The following NUP35 variants were observed in gnomAD, a reference collection of about 807,000 sequenced individuals.
The protein encoded by NUP35 is nucleoporin NUP35.
NUP35 carries 25 observed loss-of-function variants against 41.5 expected under a neutral mutation model. The ratio of observed to expected loss-of-function variants is 0.60; its 90% CI spans 0.44 to 0.84. The LOEUF (loss-of-function observed/expected upper bound fraction) is 0.84. NUP35 is among the 40% of genes least tolerant of loss of function. The pLI, the probability that NUP35 is intolerant of heterozygous loss-of-function variation, is 0.00. For missense variants in NUP35, 396 were observed against 396.6 expected, an observed-to-expected ratio of 1.00 and a Z score of 0.01; for synonymous variants, 149 against 130.7, an observed-to-expected ratio of 1.14 and a Z score of -0.96.
At chr2:183,133,689 GA>G in intron 4 of NUP35, 66 bp downstream of exon 4, 2 of 1,124,054 alleles carry the variant, frequency 1.8e-6, no homozygotes, top group Non-Finnish European at 2.5e-6. Context: ...ACCCACGCTG[GA>G]GTGCAGTGGT....
intron 4 of NUP35, among the ~76,000 whole-genome samples, chr2:183,149,012 T>C (rs1215150280): frequency 6.6e-6 from 1 of 152,226 alleles, no homozygotes; most frequent in Non-Finnish European, 1.5e-5. Flanking sequence ...AGAACATACT[T>C]GGAGAAATCC....
Position 183,128,364 on chromosome 2 carries a change from A to G in NUP35, c.118A>G (p.Met40Val), listed in dbSNP as rs1684572935. The change falls in exon 2 of 9, where the codon ATG (methionine) becomes GTG (valine). Residue 40 changes from methionine to valine, a missense_variant. Coordinates refer to ENST00000295119, the MANE Select transcript of NUP35 (RefSeq NM_138285.5). ...VNAQFLPGFL[M>V]GDLPAPVTPQ... ...TGCCCAGTTCTTACCTGGATTTTTAATGGGGGATTTGCCAGCTCCGGTGAC... is the reference window on the plus strand; with the variant it reads ...TGCCCAGTTCTTACCTGGATTTTTAGTGGGGGATTTGCCAGCTCCGGTGAC... 2.5e-6 allele frequency: 4 copies of G among 1,614,076 alleles called. No homozygotes were observed. Among genetic ancestry groups the G allele is most frequent in the African/African-American group, 1.3e-5 (1 of 75,032 alleles).
chr2:183,134,115 A>G (rs994756630), intron 4 of NUP35, among the ~76,000 whole-genome samples: 4 of 152,232 alleles, frequency 2.6e-5, no homozygotes, highest in Non-Finnish European at 5.9e-5. Flanking sequence ...CACTGATTAT[A>G]TACCTAGTTT....
At chr2:183,124,628 C>T in intron 1 of NUP35, 131 bp downstream of exon 1, 5 of 1,184,684 alleles carry the variant, frequency 4.2e-6, no homozygotes, top group South Asian at 3.9e-5. Flanking sequence ...TCCTTGGGTG[C>T]CCCCAAGTTC....
At chr2:183,139,612 G>A (rs1221891641) in intron 4 of NUP35, among the ~76,000 whole-genome samples, 1 of 152,164 alleles carries the variant, frequency 6.6e-6, no homozygotes, top group African/African-American at 2.4e-5. Flanking sequence ...AGTCACAAGG[G>A]TCCTTGTAGG....
intron 5 of NUP35, among the ~76,000 whole-genome samples, chr2:183,156,069 T>C (rs974921353): frequency 6.6e-6 from 1 of 152,210 alleles, no homozygotes; most frequent in Non-Finnish European, 1.5e-5. Context: ...TTATGAAATA[T>C]TCATTGTTTT....
intron 2 of NUP35, 109 bp from the exon 3 acceptor site, chr2:183,130,309 A>C: frequency 1.7e-6 from 2 of 1,197,322 alleles, no homozygotes; most frequent in South Asian, 1.7e-5. Flanking sequence ...TTAAAGTTTG[A>C]AAAGAACTAA....
chr2:183,130,387 C>CCT, intron 2 of NUP35, 31 bp from the exon 3 acceptor site: 1 of 1,271,290 alleles, frequency 7.9e-7, no homozygotes, highest in South Asian at 1.7e-5. Context: ...AGAAGAATCC[C>CCT]TTTTTTTTTT....
At chr2:183,158,067 T>TA (rs1282778630) in intron 6 of NUP35, among the ~76,000 whole-genome samples, 1 of 152,166 alleles carries the variant, frequency 6.6e-6, no homozygotes, top group African/African-American at 2.4e-5. Context: ...AGAAGTATCT[T>TA]ACTTTCAGAG....
At position 183,161,387 on chromosome 2, in the gene NUP35, CA is replaced by C; in HGVS notation, c.*257del. ...TTCTGTAACAGTGCATGCTTCAGCA[CA>C]GAAAACTCAGCATTGATTATTGTAA... is the stretch of plus-strand genomic sequence containing the variant. On this transcript the variant is annotated 3_prime_UTR_variant, in exon 9 of 9. Coordinates refer to ENST00000295119, the MANE Select transcript of NUP35 (RefSeq NM_138285.5). 1 of 262,678 alleles carries C rather than the reference CA, an allele frequency of 3.8e-6. No individual in the cohort carries two copies. The highest frequency in any genetic ancestry group is 7.2e-6 in the Non-Finnish European group (1 of 139,308). The allele number at this position is 262,678 out of a possible 1,614,324, so 16.3% of individuals were successfully genotyped here.
rs570932057 is a variant in NUP35 at position 183,135,981 on chromosome 2, A to G, written c.397+2358A>G. ...GGCAGGTATTGTCAGAATGGATAACAAAAGGAACACCCAATACAAATTGGA... is the reference window on the plus strand; with the variant it reads ...GGCAGGTATTGTCAGAATGGATAACGAAAGGAACACCCAATACAAATTGGA... On this transcript the variant is annotated intron_variant, in intron 4 of 8. Transcript: ENST00000295119. Among the ~76,000 whole-genome samples, 63 of 152,340 alleles carry G rather than the reference A, an allele frequency of 4.1e-4. 1 individual carries two copies. The highest frequency in any genetic ancestry group is 3.4e-3 in the Middle Eastern group (1 of 294).
intron 4 of NUP35, among the ~76,000 whole-genome samples, chr2:183,138,922 T>C (rs1333070739): frequency 6.6e-6 from 1 of 152,150 alleles, no homozygotes; most frequent in East Asian, 1.9e-4. Flanking sequence ...AAAGGGACTC[T>C]TCTTTTTCTG....
In NUP35 at chr2:183,161,347, A is replaced by G; in HGVS notation, c.*216A>G. 2.7e-6 allele frequency: 1 copy of G among 366,264 alleles called. No homozygotes were observed. The allele number at this position is 366,264 out of a possible 1,614,324, so 22.7% of individuals were successfully genotyped here. A position where few individuals can be genotyped will look rare whatever the true frequency, so the allele number is the denominator to read the frequency against. ...TAAAGAAAACTAAAAATCCCTGTAA[A>G]TAGGATTTTGTGCTTTCTGTAACAG... On this transcript the variant is annotated 3_prime_UTR_variant, in exon 9 of 9. Transcript: ENST00000295119.
chr2:183,135,439 G>A (rs2675044), intron 4 of NUP35, among the ~76,000 whole-genome samples: 28,599 of 152,018 alleles, frequency 0.19, 3,544 homozygotes, highest in African/African-American at 0.34. Flanking sequence ...GAGAGGAGAG[G>A]TAATGGGGGC....
At chr2:183,151,422 C>CT (rs1685465155) in intron 4 of NUP35, 86 bp from the exon 5 acceptor site, 2 of 1,318,096 alleles carry the variant, frequency 1.5e-6, no homozygotes, top group Admixed American at 2.0e-5. Context: ...CTTTATTAGA[C>CT]TTTATCATTT....
At chr2:183,124,249 C>T (rs1340189389), upstream of NUP35, 3 of 1,312,860 alleles carry the variant, frequency 2.3e-6, no homozygotes, top group African/African-American at 3.0e-5. Context: ...TCGCCACCTT[C>T]CCGGTGCAAA....
intron 3 of NUP35, 42 bp downstream of exon 3, chr2:183,130,587 G>A (rs2105548194): frequency 6.3e-7 from 1 of 1,589,454 alleles, no homozygotes; most frequent in Non-Finnish European, 8.6e-7. Context: ...ACAACATCAT[G>A]GTTTTATGTG....
chr2:183,127,517 C>G (rs1384745343), intron 1 of NUP35, among the ~76,000 whole-genome samples: 1 of 152,142 alleles, frequency 6.6e-6, no homozygotes, highest in Non-Finnish European at 1.5e-5. Context: ...CTAGTTATCA[C>G]TGTTATTTTG....
chr2:183,132,519 C>T (rs72894503), intron 3 of NUP35, among the ~76,000 whole-genome samples: 4,917 of 152,132 alleles, frequency 0.032, 97 homozygotes, highest in Non-Finnish European at 0.043. Flanking sequence ...GATCGTGTTA[C>T]TGCACTCAGC....
Sources: gnomAD v4.1 joint callset for allele counts (sites outside exome capture counted in the v4.1 genomes callset) on GRCh38, gnomAD v4.1.1 for gene constraint, MANE v1.5 for transcripts, NCBI Gene and HGNC (gene_info 2026-07-23, HGNC 2026-07-21) for gene names.